The following DNAH11 variants were observed in gnomAD, a reference collection of about 807,000 sequenced individuals.
DNAH11 encodes the protein dynein axonemal heavy chain 11, also known as axonemal beta dynein heavy chain 11.
DNAH11 carries 442 observed loss-of-function variants against 526.0 expected under a neutral mutation model. The ratio of observed to expected loss-of-function variants is 0.84; its 90% CI spans 0.78 to 0.91. The LOEUF is 0.91. Ranked by LOEUF, DNAH11 falls within the 40% of genes least tolerant of loss-of-function variation. The probability of loss-of-function intolerance (pLI) is 0.00; values close to 1 mark genes in which losing one functional copy is unlikely to be tolerated. For synonymous variants in DNAH11, 2,461 were observed against 1,935.9 expected (o/e 1.27, Z -7.12); for missense variants, 6,989 against 5,448.7 (o/e 1.28, Z -8.90).
Position 21,600,909 on chromosome 7 carries a change from T to A in DNAH11, c.3234T>A (p.Thr1078=), listed in dbSNP as rs753130719. 11 of 1,613,686 alleles carry A rather than the reference T, an allele frequency of 6.8e-6. No homozygotes were observed. Among genetic ancestry groups the A allele is most frequent in the Non-Finnish European group, 4.2e-6 (5 of 1,179,788 alleles). ...AAGAAATTCCCGAACAACCACCAACTCTTGAGCAATTCAAAGAACAGGCAA... is the reference window on the plus strand; with the variant it reads ...AAGAAATTCCCGAACAACCACCAACACTTGAGCAATTCAAAGAACAGGCAA... ...ANEEIPEQPP[T]LEQFKEQIDI... is the part of the protein sequence containing the mutation. The change falls in exon 16 of 82, where the codon ACT becomes ACA. Residue 1078 remains threonine (T), a synonymous_variant. Coordinates refer to ENST00000409508, the MANE Select transcript of DNAH11 (RefSeq NM_001277115.2).
intron 45 of DNAH11, among the ~76,000 whole-genome samples, chr7:21,726,562 A>G (rs1259165792): frequency 6.6e-6 from 1 of 151,936 alleles, no homozygotes; most frequent in African/African-American, 2.4e-5. Flanking sequence ...AATCTCAGCT[A>G]TAAGAATGCC....
chr7:21,649,504 A>G (rs941810567), intron 28 of DNAH11, among the ~76,000 whole-genome samples: 4 of 152,244 alleles, frequency 2.6e-5, no homozygotes, highest in African/African-American at 9.6e-5. Flanking sequence ...AATAACATGA[A>G]TAAATTCAAG....
chr7:21,807,805 T>G, intron 62 of DNAH11, 78 bp from the exon 63 acceptor site: 2 of 1,420,440 alleles, frequency 1.4e-6, no homozygotes, highest in Non-Finnish European at 1.9e-6. Flanking sequence ...AACCTTGCCA[T>G]AAGGTAATTG....
At chr7:21,818,095 A>T in intron 64 of DNAH11, 122 bp from the exon 65 acceptor site, 1 of 909,018 alleles carries the variant, frequency 1.1e-6, no homozygotes, top group South Asian at 1.8e-5. Context: ...TTTATAAAAT[A>T]GTTTTCTCTA....
At chr7:21,589,128 ATAT>A in intron 11 of DNAH11, 77 bp from the exon 12 acceptor site, 1 of 1,036,826 alleles carries the variant, frequency 9.6e-7, no homozygotes, top group South Asian at 1.9e-5. Flanking sequence ...TATATTTTAT[ATAT>A]TGTATTACTA....
chr7:21,739,626 T>C lies in DNAH11; in HGVS notation c.7867T>C (p.Cys2623Arg). 1 of 1,612,948 alleles carries C rather than the reference T, an allele frequency of 6.2e-7. No homozygotes were observed. Among genetic ancestry groups the C allele is most frequent in the Non-Finnish European group, 8.5e-7 (1 of 1,179,478 alleles). Residue 2623 changes from cysteine (C) to arginine (R), a missense_variant, in exon 48 of 82, where the codon TGC becomes CGC. Physicochemically the swap from Cys to Arg is radical, Grantham distance 180. Transcript: ENST00000409508. The part of the protein sequence containing the change: ...KEIHNCQYVA[C>R]MNPMVGSFTI... ...AATCCATAACTGCCAGTATGTCGCCTGCATGAATCCGATGGTGGGCAGCTT... is the reference window on the plus strand; with the variant it reads ...AATCCATAACTGCCAGTATGTCGCCCGCATGAATCCGATGGTGGGCAGCTT...
chr7:21,862,274 G>A (rs1391282475), intron 69 of DNAH11, among the ~76,000 whole-genome samples: 1 of 151,952 alleles, frequency 6.6e-6, no homozygotes, highest in African/African-American at 2.4e-5. Flanking sequence ...TCCTACCACA[G>A]CGGTCACCCT....
At position 21,707,805 on chromosome 7, in the gene DNAH11, A is replaced by C; in HGVS notation, c.6653A>C (p.His2218Pro). The change falls in exon 40 of 82, where the codon CAT becomes CCT. Residue 2218 changes from histidine (H) to proline (P), a missense_variant. Transcript: ENST00000409508. ...VTTDELFGFI[H>P]HATREWKDGK... ...ACAGATGAACTCTTTGGTTTCATAC[A>C]TCATGCTACCCGAGAATGGAAAGAT... 6.2e-7 allele frequency: 1 copy of C among 1,607,292 alleles called. No homozygotes were observed. Among genetic ancestry groups the C allele is most frequent in the Non-Finnish European group, 8.5e-7 (1 of 1,177,558 alleles).
Position 21,892,657 on chromosome 7 carries a change from CAGA to C in DNAH11, c.12745_12747del (p.Glu4249del). On this transcript the variant is annotated inframe_deletion, in exon 77 of 82. Coordinates refer to ENST00000409508, the MANE Select transcript of DNAH11 (RefSeq NM_001277115.2). ...AGTGGTGATGAACTGGGGCAGTCTACAGAAGAAAAGGTAGAGGGTCTTTCCTTC... is the reference window on the plus strand; with the variant it reads ...AGTGGTGATGAACTGGGGCAGTCTACAGAAAAGGTAGAGGGTCTTTCCTTC... 1 of 1,602,072 alleles carries C rather than the reference CAGA, an allele frequency of 6.2e-7. No individual in the cohort carries two copies. Among genetic ancestry groups the C allele is most frequent in the Non-Finnish European group, 8.5e-7 (1 of 1,173,744 alleles).
At chr7:21,888,255 C>A (rs867874408) in intron 76 of DNAH11, among the ~76,000 whole-genome samples, 1 of 151,998 alleles carries the variant, frequency 6.6e-6, no homozygotes, top group East Asian at 1.9e-4. Context: ...CATTTTTGAC[C>A]CAGAAGGCCA....
chr7:21,625,028 T>G (rs1786263638), intron 25 of DNAH11, among the ~76,000 whole-genome samples: 1 of 152,120 alleles, frequency 6.6e-6, no homozygotes, highest in Admixed American at 6.5e-5. Context: ...TTGGCTTTGG[T>G]ATCAGAATAA....
intron 46 of DNAH11, 84 bp from the exon 47 acceptor site, chr7:21,738,617 G>A: frequency 2.2e-6 from 3 of 1,381,594 alleles, no homozygotes; most frequent in South Asian, 2.8e-5. Flanking sequence ...GAAATCGACA[G>A]AAGAAGTTAA....
Position 21,571,864 on chromosome 7 carries a change from C to G in DNAH11, c.1484C>G (p.Thr495Ser). The G allele has an allele frequency of 6.2e-7, 1 of 1,612,880 alleles. No homozygotes were observed. The highest frequency in any genetic ancestry group is 8.5e-7 in the Non-Finnish European group (1 of 1,179,450). ...CTGGAAAGACTGGAATTTGGTGGTA[C>G]CAAAGGAGCAATTTTAAATGGACAA... The part of the protein sequence containing the change: ...EKLERLEFGG[T>S]KGAILNGQVH... The change falls in exon 8 of 82, where the codon ACC (threonine) becomes AGC (serine). Residue 495 changes from threonine (T) to serine (S), a missense_variant. Coordinates refer to ENST00000409508, the MANE Select transcript of DNAH11 (RefSeq NM_001277115.2).
rs754052487 is a variant in DNAH11, at chr7:21,687,260, G to A, written c.5778+5G>A. The A allele has an allele frequency of 6.4e-7, 1 of 1,571,176 alleles. No individual in the cohort carries two copies. The highest frequency in any genetic ancestry group is 1.4e-5 in the African/African-American group (1 of 73,408). On this transcript the variant is annotated splice_donor_5th_base_variant and intron_variant, in intron 33 of 81. Coordinates refer to ENST00000409508, the MANE Select transcript of DNAH11 (RefSeq NM_001277115.2). ...TCAGAGCAAATGGACTACAAAGTAA[G>A]TTAGTAAGAGAATAATGTGTAAAAC...
chr7:21,839,445 G>A (rs1782120469), intron 65 of DNAH11, among the ~76,000 whole-genome samples: 2 of 151,726 alleles, frequency 1.3e-5, no homozygotes, highest in Admixed American at 6.6e-5. Flanking sequence ...TGTGGTGGTG[G>A]GCGCCTGTAG....
intron 34 of DNAH11, among the ~76,000 whole-genome samples, chr7:21,688,484 C>T (rs1783477637): frequency 6.6e-6 from 1 of 152,160 alleles, no homozygotes. Flanking sequence ...CAACTAGTCC[C>T]AGGGCTTTAA....
chr7:21,722,586 G>A (rs115585383), intron 44 of DNAH11, among the ~76,000 whole-genome samples: 1,757 of 152,166 alleles, frequency 0.012, 39 homozygotes, highest in African/African-American at 0.041. Flanking sequence ...TAATAATATA[G>A]TTGGAATTCA....
chr7:21,779,379 G>T (rs1787837526), intron 57 of DNAH11, among the ~76,000 whole-genome samples: 1 of 152,098 alleles, frequency 6.6e-6, no homozygotes, highest in Non-Finnish European at 1.5e-5. Context: ...TGAACATCAG[G>T]CCTATTTGTA....
At chr7:21,804,639 A>T (rs542926745) in intron 62 of DNAH11, among the ~76,000 whole-genome samples, 157 of 152,148 alleles carry the variant, frequency 1.0e-3, no homozygotes, top group African/African-American at 3.6e-3. Context: ...AATCCATCAG[A>T]TATTCTATTG....
Sources: allele counts gnomAD v4.1 joint callset (sites outside exome capture counted in the v4.1 genomes callset), GRCh38; gene constraint gnomAD v4.1.1; transcripts MANE v1.5; gene names NCBI Gene and HGNC (gene_info 2026-07-23, HGNC 2026-07-21).